RERE: variants seen among roughly 807,000 people sequenced by gnomAD.
RERE encodes arginine-glutamic acid dipeptide repeats, also known as arginine-glutamic acid dipeptide repeats protein.
A neutral mutation model predicts 146.1 loss-of-function variants in RERE; 40 were observed. The ratio of observed to expected loss-of-function variants is 0.27; its 90% CI spans 0.21 to 0.36. RERE has a LOEUF of 0.36. Ranked by LOEUF, RERE falls within the 10% of genes least tolerant of loss-of-function variation. RERE has a pLI of 1.00. For synonymous variants in RERE, 1,003 were observed against 866.0 expected (o/e 1.16, Z -2.78); for missense variants, 1,933 against 2,138.7 (o/e 0.90, Z 1.90).
At chr1:8,656,935 G>A (rs1015068470) in intron 1 of RERE, among the ~76,000 whole-genome samples, 1 of 152,094 alleles carries the variant, frequency 6.6e-6, no homozygotes, top group African/African-American at 2.4e-5. Flanking sequence ...GCAACAAAGC[G>A]AGATCCCATC....
At chr1:8,660,747 A>G (rs1397227593) in intron 1 of RERE, among the ~76,000 whole-genome samples, 3 of 152,232 alleles carry the variant, frequency 2.0e-5, no homozygotes, top group African/African-American at 2.4e-5. Context: ...ATTTTTCTCC[A>G]GTCGGAAAGC....
intron 4 of RERE, among the ~76,000 whole-genome samples, chr1:8,584,919 G>T (rs1005031971): frequency 4.6e-5 from 7 of 152,096 alleles, no homozygotes; most frequent in Non-Finnish European, 8.8e-5. Flanking sequence ...AGGCCAAGGC[G>T]GGTGGATCAC....
intron 1 of RERE, among the ~76,000 whole-genome samples, chr1:8,728,841 C>G (rs188275932): frequency 1.5e-3 from 233 of 152,284 alleles, no homozygotes; most frequent in African/African-American, 5.1e-3. Context: ...CAGCTAGCAA[C>G]TAGGGCCAAG....
intron 1 of RERE, among the ~76,000 whole-genome samples, chr1:8,680,324 G>A (rs974965402): frequency 4.6e-5 from 7 of 152,200 alleles, no homozygotes; most frequent in Admixed American, 2.0e-4. Context: ...TCTCTGAGGG[G>A]AAAGGTCAGC....
At chr1:8,697,518 G>A (rs1006701916) in intron 1 of RERE, among the ~76,000 whole-genome samples, 10 of 151,550 alleles carry the variant, frequency 6.6e-5, no homozygotes, top group East Asian at 5.8e-4. Context: ...TCCGCCTACC[G>A]AGTAGCTGGG....
chr1:8,648,971 T>TA (rs59300030), intron 2 of RERE, among the ~76,000 whole-genome samples: 86,203 of 149,216 alleles, frequency 0.58, 25,241 homozygotes, highest in East Asian at 0.83. Flanking sequence ...TATGCCAAAA[T>TA]AAAAAAAAAA....
rs139613473 is a variant in RERE, at chr1:8,443,317, C to G, written c.1204-20510G>C. Among the ~76,000 whole-genome samples, 1,024 of 151,850 alleles carry G rather than the reference C, an allele frequency of 6.7e-3. 11 individuals are homozygous for G. Among genetic ancestry groups the G allele is most frequent in the African/African-American group, 0.024 (977 of 41,380 alleles). On this transcript the variant is annotated intron_variant, in intron 11 of 22. Coordinates refer to ENST00000400908, the MANE Select transcript of RERE (RefSeq NM_001042681.2). Reference sequence around the variant, plus strand: ...CTCTACTAAAGATACAAAAAATTAGCCCGGCATGATGGCACACACCTGTAA... The same window carrying G: ...CTCTACTAAAGATACAAAAAATTAGGCCGGCATGATGGCACACACCTGTAA...
chr1:8,528,923 T>C (rs74050218), intron 7 of RERE, among the ~76,000 whole-genome samples: 8,269 of 152,264 alleles, frequency 0.054, 760 homozygotes, highest in African/African-American at 0.19. Context: ...TGGGTTTTGA[T>C]TGTGATCTGT....
At chr1:8,615,488 TTGAG>T (rs1646842311) in intron 3 of RERE, among the ~76,000 whole-genome samples, 2 of 152,204 alleles carry the variant, frequency 1.3e-5, no homozygotes, top group South Asian at 2.1e-4. Flanking sequence ...AGATAACAGT[TTGAG>T]TATGTTCCTT....
intron 7 of RERE, among the ~76,000 whole-genome samples, chr1:8,533,822 G>T (rs1469763589): frequency 1.3e-5 from 2 of 152,212 alleles, no homozygotes; most frequent in Non-Finnish European, 2.9e-5. Flanking sequence ...AACATTCCTA[G>T]ATGTTATCTG....
chr1:8,368,212 G>C (rs1457893377), intron 12 of RERE, among the ~76,000 whole-genome samples: 1 of 152,228 alleles, frequency 6.6e-6, no homozygotes, highest in Non-Finnish European at 1.5e-5. Context: ...GCTCACGCCT[G>C]TAATCCTAGC....
chr1:8,795,370 C>G (rs1470754341), intron 1 of RERE, among the ~76,000 whole-genome samples: 1 of 151,852 alleles, frequency 6.6e-6, no homozygotes, highest in Non-Finnish European at 1.5e-5. Context: ...TCTACGTTGC[C>G]CAGGCTGGCC....
At chr1:8,455,091 G>A (rs964947827) in intron 11 of RERE, among the ~76,000 whole-genome samples, 3 of 152,144 alleles carry the variant, frequency 2.0e-5, no homozygotes, top group Non-Finnish European at 4.4e-5. Context: ...AGAGAGCTCA[G>A]GTGCCAGGAC....
chr1:8,440,012 T>C (rs984725557), intron 11 of RERE, among the ~76,000 whole-genome samples: 2 of 151,752 alleles, frequency 1.3e-5, no homozygotes, highest in Admixed American at 6.6e-5. Context: ...AGGCAGAGGT[T>C]GCAGTGAGCT....
chr1:8,587,184 T>A (rs936839525), intron 4 of RERE, among the ~76,000 whole-genome samples: 1 of 152,246 alleles, frequency 6.6e-6, no homozygotes, highest in East Asian at 1.9e-4. Flanking sequence ...GAAAATTACA[T>A]AGGAAAAGTT....
intron 15 of RERE, 83 bp from the exon 16 acceptor site, chr1:8,362,927 C>G: frequency 6.8e-7 from 1 of 1,466,674 alleles, no homozygotes; most frequent in Non-Finnish European, 9.3e-7. Flanking sequence ...CAGGCAGAAG[C>G]CTGAAGGCAC....
chr1:8,652,177 A>C (rs1006988613), intron 2 of RERE, among the ~76,000 whole-genome samples: 1 of 152,170 alleles, frequency 6.6e-6, no homozygotes, highest in African/African-American at 2.4e-5. Flanking sequence ...ACCTGGCAGG[A>C]TGCAAAGGCA....
chr1:8,708,820 CATGGAGTTACAATTTTAAGCA>C (rs1421427676), intron 1 of RERE, among the ~76,000 whole-genome samples: 4 of 151,548 alleles, frequency 2.6e-5, no homozygotes, highest in Non-Finnish European at 5.9e-5. Context: ...TATACTAATA[CATGGAGTTACAATTTTAAGCA>C]AACTATCTAC....
At chr1:8,593,345 A>G (rs1182729144) in intron 4 of RERE, among the ~76,000 whole-genome samples, 1 of 152,136 alleles carries the variant, frequency 6.6e-6, no homozygotes, top group Non-Finnish European at 1.5e-5. Flanking sequence ...GGAAAGAGCC[A>G]GTGGGAGGTG....
Sources: gnomAD v4.1 joint callset for allele counts (sites outside exome capture counted in the v4.1 genomes callset) on GRCh38, gnomAD v4.1.1 for gene constraint, MANE v1.5 for transcripts, NCBI Gene and HGNC (gene_info 2026-07-23, HGNC 2026-07-21) for gene names.